CD55: variants seen among roughly 807,000 people sequenced by gnomAD.
CD55 encodes complement decay-accelerating factor.
In CD55, 41 loss-of-function variants were observed where a neutral mutation model predicts 45.8. The ratio of observed to expected loss-of-function variants is 0.90; its 90% confidence interval spans 0.70 to 1.16. CD55 has a LOEUF of 1.16. Ranked by LOEUF, CD55 falls within the 50% of genes most tolerant of loss-of-function variation. The pLI, the probability that CD55 is intolerant of heterozygous loss-of-function variation, is 0.00. For missense variants in CD55, 416 were observed against 469.8 expected, an observed-to-expected ratio of 0.89 and a Z score of 1.06; for synonymous variants, 181 against 181.1, an observed-to-expected ratio of 1.00 and a Z score of 0.01.
At chr1:207,348,929 AT>A (rs975165276) in intron 9 of CD55, among the ~76,000 whole-genome samples, 4 of 151,982 alleles carry the variant, frequency 2.6e-5, no homozygotes, top group Non-Finnish European at 5.9e-5. Context: ...CTATGTGTCT[AT>A]TTTTGTACCA....
intron 6 of CD55, among the ~76,000 whole-genome samples, chr1:207,335,099 T>C (rs912480115): frequency 6.6e-6 from 1 of 152,182 alleles, no homozygotes; most frequent in African/African-American, 2.4e-5. Flanking sequence ...TATATCATAA[T>C]CTGGAATCTA....
At chr1:207,352,523 G>A (rs977977568) in intron 9 of CD55, among the ~76,000 whole-genome samples, 9 of 151,996 alleles carry the variant, frequency 5.9e-5, no homozygotes, top group South Asian at 2.1e-4. Flanking sequence ...CAAACCAGTC[G>A]GATGTTGGTT....
intron 7 of CD55, 105 bp downstream of exon 7, chr1:207,336,923 A>G (rs912107002): frequency 5.3e-6 from 7 of 1,312,336 alleles, no homozygotes; most frequent in African/African-American, 2.9e-5. Flanking sequence ...TGTCCCAGCT[A>G]CAATAGTCAC....
At chr1:207,326,930 T>C in intron 5 of CD55, 93 bp downstream of exon 5, 1 of 862,106 alleles carries the variant, frequency 1.2e-6, no homozygotes, top group Non-Finnish European at 1.8e-6. Context: ...GCACAGTGTG[T>C]ATTTGTAGCA....
intron 9 of CD55, chr1:207,350,130 G>A (rs1242447579): frequency 1.3e-5 from 6 of 453,440 alleles, no homozygotes; most frequent in Admixed American, 7.1e-5. Context: ...TGGTTTTTTT[G>A]TTTGTAGTTC....
chr1:207,354,772 T>C (rs1656014196), intron 9 of CD55, among the ~76,000 whole-genome samples: 1 of 152,200 alleles, frequency 6.6e-6, no homozygotes, highest in Non-Finnish European at 1.5e-5. Flanking sequence ...ACTGAGAAGA[T>C]ACGTAGAATT....
chr1:207,348,051 T>G (rs1655720519), intron 9 of CD55, among the ~76,000 whole-genome samples: 1 of 152,198 alleles, frequency 6.6e-6, no homozygotes, highest in Admixed American at 6.5e-5. Context: ...GCATATGTCT[T>G]TATGGTAGAA....
At chr1:207,347,225 T>C (rs1413728912) in intron 9 of CD55, 1 of 455,616 alleles carries the variant, frequency 2.2e-6, no homozygotes, top group South Asian at 1.6e-5. Context: ...ACAATCAACA[T>C]GTAGCATTCA....
chr1:207,345,927 G>C (rs1167117668), intron 9 of CD55, among the ~76,000 whole-genome samples: 1 of 152,212 alleles, frequency 6.6e-6, no homozygotes, highest in East Asian at 1.9e-4. Flanking sequence ...ATGCCATGTG[G>C]GCCAATGTTC....
Position 207,340,873 on chromosome 1 carries a change from T to G in CD55, c.1081+1456T>G, listed in dbSNP as rs548376059. 242 of 351,732 alleles carry G rather than the reference T, an allele frequency of 6.9e-4. 1 individual carries two copies. The highest frequency in any genetic ancestry group is 6.9e-4 in the Non-Finnish European group (135 of 196,010). 21.8% of individuals were successfully genotyped at this position (351,732 alleles called of 1,614,324 possible). ...TTTATGTTTTCAGGAACCTCCATATTGTTTTCCACAGTGGTTGTACTAATT... is the reference window on the plus strand; with the variant it reads ...TTTATGTTTTCAGGAACCTCCATATGGTTTTCCACAGTGGTTGTACTAATT... On this transcript the variant is annotated intron_variant, in intron 9 of 9. Transcript: ENST00000367064.
chr1:207,325,930 C>G (rs28371660), intron 4 of CD55, among the ~76,000 whole-genome samples: 6,025 of 152,188 alleles, frequency 0.04, 211 homozygotes, highest in Non-Finnish European at 0.066. Flanking sequence ...CACCAGAATT[C>G]TCTAAATTCT....
rs985187295 is a variant in CD55, at chr1:207,333,754, A to G, written c.853+2458A>G. The stretch of plus-strand genomic sequence containing the variant: ...GGAAAATATCTGAAATTAAGAACAC[A>G]ATAGATAGGTTTAGCTATTCAGGCA... On this transcript the variant is annotated intron_variant, in intron 6 of 9. Transcript: ENST00000367064. Among the ~76,000 whole-genome samples the G allele has an allele frequency of 2.0e-4, 30 of 152,172 alleles. 1 individual carries two copies.
intron 9 of CD55, chr1:207,354,196 A>T: frequency 7.7e-7 from 1 of 1,306,566 alleles, no homozygotes; most frequent in Non-Finnish European, 9.8e-7. Flanking sequence ...TGTTTGATGA[A>T]TATCAGGTAT....
At chr1:207,338,699 C>T (rs1558150938) in intron 8 of CD55, among the ~76,000 whole-genome samples, 1 of 152,038 alleles carries the variant, frequency 6.6e-6, no homozygotes, top group Admixed American at 6.6e-5. Context: ...TGATGCCACT[C>T]GTCTGTACCA....
chr1:207,359,867 A>G lies in CD55; in HGVS notation c.*257A>G, dbSNP rs1656229724. 8.6e-6 allele frequency: 3 copies of G among 349,456 alleles called. No individual in the cohort carries two copies. The South Asian group carries it at 3.8e-4, about 44-fold the overall frequency. The allele number at this position is 349,456 out of a possible 1,614,324, so 21.6% of individuals were successfully genotyped here. On this transcript the variant is annotated 3_prime_UTR_variant, in exon 10 of 10. Transcript: ENST00000367064. ...AGAGTGATTCCTTTCCTAAAAGTGT[A>G]AGAAAGCATAGAGATTTGTTCGTAT...
intron 9 of CD55, 30 bp from the exon 10 acceptor site, chr1:207,359,516 C>CTTTTTTTTTTTTTTT (rs56236833): frequency 5.4e-6 from 7 of 1,284,870 alleles, no homozygotes; most frequent in South Asian, 3.1e-5. Context: ...TTGATTTTAA[C>CTTTTTTTTTTTTTTT]TTTTTTTTTT....
chr1:207,329,561 T>A (rs1486152790), intron 5 of CD55, among the ~76,000 whole-genome samples: 1 of 152,130 alleles, frequency 6.6e-6, no homozygotes, highest in Non-Finnish European at 1.5e-5. Flanking sequence ...CTTGCCTTCA[T>A]GTTTTATGCC....
At position 207,322,436 on chromosome 1, in the gene CD55, G is replaced by C. The variant is rs28371588; in HGVS notation, c.155G>C (p.Arg52Pro). The C allele has an allele frequency of 3.2e-4, 523 of 1,614,142 alleles. 1 individual carries two copies. The highest frequency in any genetic ancestry group is 8.5e-4 in the Admixed American group (51 of 60,024). Residue 52 changes from arginine (R) to proline (P), a missense_variant, in exon 2 of 10, where the codon CGT becomes CCT. Coordinates refer to ENST00000367064, the MANE Select transcript of CD55 (RefSeq NM_000574.5). ...AATGCCCAGCCAGCTTTGGAAGGCC[G>C]TACAAGTTTTCCCGAGGATACTGTA... The part of the protein sequence containing the change: ...VPNAQPALEG[R>P]TSFPEDTVIT...
chr1:207,338,816 T>A (rs1185474973), intron 8 of CD55, among the ~76,000 whole-genome samples: 4 of 152,184 alleles, frequency 2.6e-5, no homozygotes, highest in African/African-American at 9.6e-5. Flanking sequence ...CTGCACTTTT[T>A]CTGCTGAGTA....
Sources: allele counts gnomAD v4.1 joint callset (sites outside exome capture counted in the v4.1 genomes callset), GRCh38; gene constraint gnomAD v4.1.1; transcripts MANE v1.5; gene names NCBI Gene and HGNC (gene_info 2026-07-23, HGNC 2026-07-21).